The following NEK10 variants were observed in gnomAD, a reference collection of about 807,000 sequenced individuals.
NEK10 encodes serine/threonine-protein kinase Nek10.
In NEK10, 122 loss-of-function variants were observed where a neutral mutation model predicts 159.8. That is an observed-to-expected ratio of 0.76 (90% CI 0.66 to 0.89). NEK10 has a LOEUF of 0.89. NEK10 is among the 40% of genes least tolerant of loss of function. The pLI, the probability that NEK10 is intolerant of heterozygous loss-of-function variation, is 0.00. For missense variants in NEK10, 1,342 were observed against 1,323.1 expected (o/e 1.01, Z -0.22); for synonymous variants, 466 against 457.1 (o/e 1.02, Z -0.25).
chr3:27,302,732 G>A lies in NEK10; in HGVS notation c.1029-897C>T, dbSNP rs145521675. The stretch of plus-strand genomic sequence containing the variant: ...CTCTGTGCCTAAATGTAACATGGAT[G>A]GAGTTTCCTTGACTTCCCTCTCATG... On this transcript the variant is annotated intron_variant, in intron 12 of 35. Coordinates refer to ENST00000691995, the MANE Select transcript of NEK10 (RefSeq NM_001394966.1). Among the ~76,000 whole-genome samples, 43 of 152,244 alleles carry A rather than the reference G, an allele frequency of 2.8e-4. 1 individual carries two copies. The East Asian group carries it at 8.1e-3, about 29-fold the overall frequency.
intron 25 of NEK10, among the ~76,000 whole-genome samples, chr3:27,199,333 A>T (rs1949841424): frequency 6.6e-6 from 1 of 152,220 alleles, no homozygotes; most frequent in African/African-American, 2.4e-5. Flanking sequence ...GAAGGCATAC[A>T]TGTAGCCAAC....
At chr3:27,307,079 C>T (rs752294109) in intron 11 of NEK10, among the ~76,000 whole-genome samples, 1 of 152,186 alleles carries the variant, frequency 6.6e-6, no homozygotes, top group African/African-American at 2.4e-5. Context: ...CCCTCTTCTA[C>T]ACTACATATT....
intron 11 of NEK10, among the ~76,000 whole-genome samples, chr3:27,306,520 C>T (rs1472082876): frequency 6.6e-6 from 1 of 152,170 alleles, no homozygotes; most frequent in Non-Finnish European, 1.5e-5. Flanking sequence ...CAAACACCCC[C>T]ACCTCACTCC....
intron 22 of NEK10, among the ~76,000 whole-genome samples, chr3:27,271,278 G>C (rs530784538): frequency 6.6e-6 from 1 of 151,718 alleles, no homozygotes; most frequent in Non-Finnish European, 1.5e-5. Context: ...GTATAAGGTG[G>C]TGTTAACAAC....
intron 23 of NEK10, among the ~76,000 whole-genome samples, chr3:27,232,000 C>T (rs1953333027): frequency 6.6e-6 from 1 of 151,730 alleles, no homozygotes; most frequent in Non-Finnish European, 1.5e-5. Flanking sequence ...ACCACTGTCA[C>T]CCTAATACAA....
At position 27,214,549 on chromosome 3, in the gene NEK10, C is replaced by CTTT. The variant is rs370417315; in HGVS notation, c.2091-11995_2091-11993dup. Reference sequence around the variant, plus strand: ...AATGCAGGCAGCTTTTACTTTCTTTCTTTTTTTTGTTTTTCCTATTTTTGT... The same window carrying CTTT: ...AATGCAGGCAGCTTTTACTTTCTTTCTTTTTTTTTTTGTTTTTCCTATTTTTGT... On this transcript the variant is annotated intron_variant, in intron 23 of 35. Transcript: ENST00000691995. Among the ~76,000 whole-genome samples, 1,119 of 141,560 alleles carry CTTT rather than the reference C, an allele frequency of 7.9e-3. 13 individuals are homozygous for CTTT. The highest frequency in any genetic ancestry group is 0.032 in the East Asian group (159 of 4,980). 92.9% of individuals were successfully genotyped at this position (141,560 alleles called of 152,430 possible).
intron 29 of NEK10, among the ~76,000 whole-genome samples, chr3:27,165,037 A>AACTTTAGG (rs1384458177): frequency 6.6e-6 from 1 of 152,216 alleles, no homozygotes; most frequent in Non-Finnish European, 1.5e-5. Context: ...CTCTTTAATA[A>AACTTTAGG]ACTTTAGGGA....
intron 28 of NEK10, among the ~76,000 whole-genome samples, chr3:27,172,428 A>C (rs944059931): frequency 7.2e-5 from 11 of 151,944 alleles, no homozygotes; most frequent in African/African-American, 2.4e-4. Context: ...ATGATCCAGC[A>C]ATCCCACTAC....
intron 30 of NEK10, among the ~76,000 whole-genome samples, chr3:27,154,214 A>T (rs55644439): frequency 0.098 from 14,925 of 152,238 alleles, 2,418 homozygotes; most frequent in African/African-American, 0.34. Flanking sequence ...AGATGGATAA[A>T]TTCCTAGAAA....
chr3:27,128,059 C>G (rs757445047), intron 32 of NEK10, among the ~76,000 whole-genome samples: 1 of 152,158 alleles, frequency 6.6e-6, no homozygotes, highest in Non-Finnish European at 1.5e-5. Flanking sequence ...CAGGGACAGA[C>G]AAACTTTTCC....
chr3:27,138,989 C>T (rs1002292294), intron 31 of NEK10, among the ~76,000 whole-genome samples: 1 of 152,158 alleles, frequency 6.6e-6, no homozygotes, highest in East Asian at 1.9e-4. Context: ...TCCTTTACAG[C>T]TCAGCTGAAG....
intron 1 of NEK10, among the ~76,000 whole-genome samples, chr3:27,365,594 TG>T (rs2048999462): frequency 8.5e-6 from 1 of 118,000 alleles, no homozygotes; most frequent in Admixed American, 1.1e-4. Context: ...TTTGGTTTTT[TG>T]TGTTTTTTTT....
intron 23 of NEK10, among the ~76,000 whole-genome samples, chr3:27,205,015 G>C (rs1382197863): frequency 9.3e-5 from 14 of 150,592 alleles, no homozygotes; most frequent in Non-Finnish European, 1.8e-4. Flanking sequence ...ACTGGTGTGA[G>C]ATGGTATCTC....
At chr3:27,291,201 T>A in intron 18 of NEK10, 61 bp downstream of exon 18, 1 of 1,482,180 alleles carries the variant, frequency 6.7e-7, no homozygotes, top group Non-Finnish European at 9.2e-7. Context: ...AATATCGGTG[T>A]GCAAGTGTGA....
intron 23 of NEK10, among the ~76,000 whole-genome samples, chr3:27,253,467 G>A (rs1369481346): frequency 6.6e-6 from 1 of 152,148 alleles, no homozygotes; most frequent in Non-Finnish European, 1.5e-5. Flanking sequence ...ACAAATACCT[G>A]CCTAATAATA....
chr3:27,127,092 A>C (rs992235335), intron 32 of NEK10, among the ~76,000 whole-genome samples: 1 of 152,130 alleles, frequency 6.6e-6, no homozygotes, highest in African/African-American at 2.4e-5. Flanking sequence ...ATAACAATTC[A>C]ATGAATTCCA....
chr3:27,260,681 C>CT (rs1559380220), intron 22 of NEK10, among the ~76,000 whole-genome samples: 1 of 152,138 alleles, frequency 6.6e-6, no homozygotes, highest in East Asian at 1.9e-4. Context: ...CTAAAATTCT[C>CT]TTTTTTGGTT....
Position 27,277,920 on chromosome 3 carries a change from A to G in NEK10, c.2014+6682T>C, listed in dbSNP as rs574521801. On this transcript the variant is annotated intron_variant, in intron 22 of 35. Transcript: ENST00000691995. ...GGGATGTAGAAGCAAGTACAGAGGA[A>G]GCTCCCTTATTGACACATAATGGAC... Among the ~76,000 whole-genome samples, 5 of 152,312 alleles carry G rather than the reference A, an allele frequency of 3.3e-5. No homozygotes were observed. In the East Asian group the frequency reaches 9.6e-4, roughly 29 times the overall value.
intron 23 of NEK10, among the ~76,000 whole-genome samples, 158 bp downstream of exon 23, chr3:27,256,138 C>T (rs1384689653): frequency 6.6e-6 from 1 of 152,138 alleles, no homozygotes; most frequent in East Asian, 1.9e-4. Context: ...ACATAATGAT[C>T]CACAATTCTA....
Sources: allele counts gnomAD v4.1 joint callset (sites outside exome capture counted in the v4.1 genomes callset), GRCh38; gene constraint gnomAD v4.1.1; transcripts MANE v1.5; gene names NCBI Gene and HGNC (gene_info 2026-07-23, HGNC 2026-07-21).